Variants in PTPRM observed in about 807,000 individuals in gnomAD.
The protein encoded by PTPRM is protein tyrosine phosphatase receptor type M, also known as receptor-type tyrosine-protein phosphatase mu.
In PTPRM, 47 loss-of-function variants were observed where a neutral mutation model predicts 186.7. The ratio of observed to expected loss-of-function variants is 0.25; its 90% CI spans 0.20 to 0.32. The LOEUF (loss-of-function observed/expected upper bound fraction) is 0.32. Among genes scored for constraint, PTPRM ranks in the 10% least tolerant of loss-of-function variants. The pLI is 1.00. For missense variants in PTPRM, 1,494 were observed against 1,865.0 expected (o/e 0.80, Z 3.66); for synonymous variants, 668 against 674.9 (o/e 0.99, Z 0.16).
rs192866198 is a variant in PTPRM at position 8,137,407 on chromosome 18, C to G, written c.2168-6240C>G. On this transcript the variant is annotated intron_variant, in intron 13 of 32. Coordinates refer to ENST00000580170, the MANE Select transcript of PTPRM (RefSeq NM_001105244.2). ...GTCACCTGTACACAGCTGACTGTGC[C>G]TCTGTGAGTCTCTTGTGTCCTGCTC... 4.0e-4 allele frequency among the ~76,000 whole-genome samples: 61 copies of G among 152,278 alleles called. No individual in the cohort carries two copies. In the East Asian group the frequency reaches 0.01, roughly 25 times the overall value.
At chr18:7,617,712 G>A (rs2037840176) in intron 1 of PTPRM, among the ~76,000 whole-genome samples, 1 of 152,194 alleles carries the variant, frequency 6.6e-6, no homozygotes, top group African/African-American at 2.4e-5. Context: ...TGTAATATAT[G>A]TGTTTCTTTC....
At chr18:8,380,219 T>G (rs1320790199) in intron 28 of PTPRM, 77 bp from the exon 29 acceptor site, 2 of 1,499,072 alleles carry the variant, frequency 1.3e-6, no homozygotes, top group Non-Finnish European at 1.8e-6. Flanking sequence ...ACAAGCTTCC[T>G]TCTGCATGAA....
At chr18:7,780,624 C>T (rs1338295537) in intron 2 of PTPRM, among the ~76,000 whole-genome samples, 1 of 152,080 alleles carries the variant, frequency 6.6e-6, no homozygotes, top group African/African-American at 2.4e-5. Context: ...TACTATGGGC[C>T]TGGCTATAGG....
In PTPRM at chr18:8,240,501, GGAAGGAAGGAAGGAAGGA is replaced by G. The variant is rs1426444309; in HGVS notation, c.2301-3556_2301-3539del. ...AGGGGAGGAGAGAGAGAGAGAGAGA[GGAAGGAAGGAAGGAAGGA>G]AGGAAGGAAGGAAGGAAGGAAGGAA... On this transcript the variant is annotated intron_variant, in intron 14 of 32. Coordinates refer to ENST00000580170, the MANE Select transcript of PTPRM (RefSeq NM_001105244.2). Among the ~76,000 whole-genome samples the G allele has an allele frequency of 5.7e-3, 254 of 44,798 alleles. 7 individuals are homozygous for G. Among genetic ancestry groups the G allele is most frequent in the African/African-American group, 0.028 (245 of 8,754 alleles). The allele number at this position is 44,798 out of a possible 152,430, so 29.4% of individuals were successfully genotyped here. A position where few individuals can be genotyped will look rare whatever the true frequency, so the allele number is the denominator to read the frequency against.
At chr18:8,135,919 A>C (rs2092628072) in intron 13 of PTPRM, among the ~76,000 whole-genome samples, 1 of 152,212 alleles carries the variant, frequency 6.6e-6, no homozygotes, top group African/African-American at 2.4e-5. Context: ...GTGAATGACA[A>C]ATTTCAGACA....
intron 1 of PTPRM, among the ~76,000 whole-genome samples, chr18:7,659,339 G>A (rs938908346): frequency 3.9e-5 from 6 of 152,092 alleles, no homozygotes; most frequent in Admixed American, 3.9e-4. Context: ...CTGGCACTTA[G>A]GATATCCATA....
At chr18:8,328,066 TC>T (rs1436241629) in intron 22 of PTPRM, among the ~76,000 whole-genome samples, 1 of 152,246 alleles carries the variant, frequency 6.6e-6, no homozygotes, top group Non-Finnish European at 1.5e-5. Flanking sequence ...GTGCCTTCAT[TC>T]TTTTTGCTGT....
At chr18:8,289,549 T>TATATATACATATATATACAC (rs1568674857) in intron 19 of PTPRM, among the ~76,000 whole-genome samples, 7 of 95,000 alleles carry the variant, frequency 7.4e-5, no homozygotes, top group Admixed American at 6.5e-4. Flanking sequence ...TATATATATA[T>TATATATACATATATATACAC]ACATATATAT....
At chr18:8,219,597 G>A (rs1389053667) in intron 14 of PTPRM, among the ~76,000 whole-genome samples, 4 of 152,156 alleles carry the variant, frequency 2.6e-5, no homozygotes, top group Non-Finnish European at 5.9e-5. Flanking sequence ...AGGAGTTACA[G>A]GCAAAGACAT....
chr18:8,393,328 CATGTTATAGTT>C (rs1488125447), intron 31 of PTPRM, among the ~76,000 whole-genome samples: 22 of 152,324 alleles, frequency 1.4e-4, no homozygotes, highest in African/African-American at 4.6e-4. Context: ...GGATGGTCTA[CATGTTATAGTT>C]TGTGATGACT....
intron 7 of PTPRM, among the ~76,000 whole-genome samples, chr18:8,069,333 C>T (rs1238841744): frequency 1.3e-5 from 2 of 152,092 alleles, no homozygotes; most frequent in African/African-American, 4.8e-5. Flanking sequence ...ACCATGGCTG[C>T]CTGAGCTCCA....
intron 19 of PTPRM, among the ~76,000 whole-genome samples, chr18:8,264,797 T>TACACACCTACACACACAGC: frequency 7.3e-6 from 1 of 137,830 alleles, no homozygotes; most frequent in Non-Finnish European, 1.6e-5. Flanking sequence ...AAAAAAAGAG[T>TACACACCTACACACACAGC]ACACACCTAC....
chr18:8,203,909 G>C (rs2093891522), intron 14 of PTPRM, among the ~76,000 whole-genome samples: 1 of 152,072 alleles, frequency 6.6e-6, no homozygotes, highest in East Asian at 1.9e-4. Flanking sequence ...AATGGGAGAG[G>C]CAAGCCCACC....
Position 7,948,436 on chromosome 18 carries a change from T to A in PTPRM, c.664-745T>A, listed in dbSNP as rs73381847. Among the ~76,000 whole-genome samples, 1,045 of 152,198 alleles carry A rather than the reference T, an allele frequency of 6.9e-3. 11 individuals are homozygous for A. Among genetic ancestry groups the A allele is most frequent in the African/African-American group, 0.024 (999 of 41,520 alleles). On this transcript the variant is annotated intron_variant, in intron 5 of 32. Coordinates refer to ENST00000580170, the MANE Select transcript of PTPRM (RefSeq NM_001105244.2). ...TTGAGGCTTTAAACTATTGGAAGCATAGAATGGATTTCCAAGTGTGCATAA... is the reference window on the plus strand; with the variant it reads ...TTGAGGCTTTAAACTATTGGAAGCAAAGAATGGATTTCCAAGTGTGCATAA...
chr18:8,009,079 G>A (rs1304517491), intron 7 of PTPRM, among the ~76,000 whole-genome samples: 2 of 152,154 alleles, frequency 1.3e-5, no homozygotes, highest in African/African-American at 2.4e-5. Flanking sequence ...GTTTCGAAGG[G>A]CAGGCAGTTC....
intron 1 of PTPRM, among the ~76,000 whole-genome samples, chr18:7,727,598 T>C (rs904479980): frequency 3.3e-5 from 5 of 152,216 alleles, no homozygotes; most frequent in African/African-American, 1.2e-4. Context: ...TTTGGATTTA[T>C]GTTGGAAAGC....
intron 2 of PTPRM, among the ~76,000 whole-genome samples, chr18:7,862,477 G>A (rs2047440890): frequency 6.6e-6 from 1 of 152,184 alleles, no homozygotes; most frequent in Non-Finnish European, 1.5e-5. Context: ...TGAAAATTAA[G>A]ATGTAATTTT....
chr18:8,067,649 G>A (rs181995393), intron 7 of PTPRM, among the ~76,000 whole-genome samples: 388 of 152,192 alleles, frequency 2.5e-3, no homozygotes, highest in African/African-American at 9.0e-3. Flanking sequence ...CAGGTAAAAA[G>A]GGGGGATTTT....
intron 1 of PTPRM, chr18:7,751,444 CCTTT>C (rs1366738785): frequency 1.3e-5 from 2 of 152,182 alleles, no homozygotes; most frequent in African/African-American, 4.8e-5. Context: ...CCATAATCTG[CCTTT>C]ATTGACCATG....
Sources: allele counts gnomAD v4.1 joint callset (sites outside exome capture counted in the v4.1 genomes callset), GRCh38; gene constraint gnomAD v4.1.1; transcripts MANE v1.5; gene names NCBI Gene and HGNC (gene_info 2026-07-23, HGNC 2026-07-21).